The following VPS11 variants were observed in gnomAD, a reference collection of about 807,000 sequenced individuals.
VPS11 encodes the protein VPS11 core subunit of CORVET and HOPS complexes.
VPS11 carries 51 observed loss-of-function variants against 106.8 expected under a neutral mutation model. That is an observed-to-expected ratio of 0.48 (90% confidence interval 0.38 to 0.60). The LOEUF is 0.60. VPS11 is among the 20% of genes least tolerant of loss of function. The probability of loss-of-function intolerance (pLI) is 0.00; values close to 1 mark genes in which losing one functional copy is unlikely to be tolerated. For synonymous variants in VPS11, 453 were observed against 458.7 expected, an observed-to-expected ratio of 0.99 and a Z score of 0.16; for missense variants, 950 against 1,190.0, an observed-to-expected ratio of 0.80 and a Z score of 2.97.
At chr11:119,070,123 G>A (rs1459194562) in intron 3 of VPS11, 111 bp from the exon 4 acceptor site, 14 of 1,016,578 alleles carry the variant, frequency 1.4e-5, no homozygotes, top group Non-Finnish European at 2.0e-5. Flanking sequence ...TAGAGAGGTT[G>A]GGTATATGGA....
In VPS11 at chr11:119,067,868, G is replaced by A. The variant is rs1055850815; in HGVS notation, c.45G>A (p.Lys15=). 2.5e-6 allele frequency: 4 copies of A among 1,571,206 alleles called. No homozygotes were observed. In the East Asian group the frequency reaches 9.4e-5, roughly 37 times the overall value. Residue 15 remains lysine, a synonymous_variant, in exon 1 of 16, where the codon AAG becomes AAA. Coordinates refer to ENST00000621676, the MANE Select transcript of VPS11 (RefSeq NM_021729.6). ...LQWRRFVFFD[K]ELVKEPLSND... ...GGCGGCGCTTCGTTTTCTTCGACAA[G>A]GAGCTGGTGAAGGAGCCGCTGAGCA... is the stretch of plus-strand genomic sequence containing the variant.
chr11:119,069,205 G>T lies in VPS11; in HGVS notation c.197G>T (p.Gly66Val). 1.2e-6 allele frequency: 2 copies of T among 1,613,884 alleles called. No homozygotes were observed. Among genetic ancestry groups the T allele is most frequent in the Non-Finnish European group, 1.7e-6 (2 of 1,179,894 alleles). The change falls in exon 2 of 16, where the codon GGC becomes GTC. Residue 66 changes from glycine to valine, a missense_variant. This residue lies in a region of VPS11 where 435 missense variants were observed against 630.2 expected (regional missense o/e 0.69). Coordinates refer to ENST00000621676, the MANE Select transcript of VPS11 (RefSeq NM_021729.6). ...RGSLVFGDME[G>V]QIWFLPRSLQ... ...CTTGACTACCCTGCACATATGGAAGGCCAGATCTGGTTCTTGCCACGTTCC... is the reference window on the plus strand; with the variant it reads ...CTTGACTACCCTGCACATATGGAAGTCCAGATCTGGTTCTTGCCACGTTCC...
At chr11:119,073,459 G>A in intron 6 of VPS11, 60 bp downstream of exon 6, 2 of 1,574,510 alleles carry the variant, frequency 1.3e-6, no homozygotes, top group Non-Finnish European at 1.7e-6. Flanking sequence ...GCAGGAGCAG[G>A]TTCCCCAAGT....
At chr11:119,070,537 AT>A in intron 4 of VPS11, 140 bp downstream of exon 4, 1 of 1,008,000 alleles carries the variant, frequency 9.9e-7, no homozygotes, top group Non-Finnish European at 1.3e-6. Flanking sequence ...CTAGCTTTGT[AT>A]TTTATTTTTT....
Position 119,077,090 on chromosome 11 carries a change from G to A in VPS11, c.1425+7G>A, listed in dbSNP as rs1478803422. On this transcript the variant is annotated splice_region_variant and intron_variant, in intron 8 of 15. Transcript: ENST00000621676. ...GCTGGAGGAGTTCATCAAGGTGCAG[G>A]ATGTTGTTGGTGGGGAAGTCTTGGA... 6.2e-7 allele frequency: 1 copy of A among 1,607,892 alleles called. No individual in the cohort carries two copies. The highest frequency in any genetic ancestry group is 8.5e-7 in the Non-Finnish European group (1 of 1,176,748).
chr11:119,075,625 G>GAGAATAGCT (rs1945580680), intron 7 of VPS11, among the ~76,000 whole-genome samples: 1 of 151,832 alleles, frequency 6.6e-6, no homozygotes, highest in African/African-American at 2.4e-5. Flanking sequence ...GCTGAGGCAG[G>GAGAATAGCT]TGGATCACCT....
intron 1 of VPS11, 81 bp downstream of exon 1, chr11:119,068,091 G>C: frequency 6.9e-7 from 1 of 1,439,372 alleles, no homozygotes. Context: ...TGTCGGAGGG[G>C]TCCGTGCCGC....
In VPS11 at chr11:119,071,797, A is replaced by G; in HGVS notation, c.838A>G (p.Arg280Gly). ...EGHKLIAHWF[R>G]GYLIIVSRDR... ...CCATAAGCTCATTGCCCACTGGTTTAGAGGCTACCTTATCATTGTCTCCCG... is the reference window on the plus strand; with the variant it reads ...CCATAAGCTCATTGCCCACTGGTTTGGAGGCTACCTTATCATTGTCTCCCG... Residue 280 changes from arginine (R) to glycine (G), a missense_variant, in exon 5 of 16, where the codon AGA becomes GGA. Transcript: ENST00000621676. 3.1e-6 allele frequency: 5 copies of G among 1,613,946 alleles called. No homozygotes were observed. The highest frequency in any genetic ancestry group is 4.2e-6 in the Non-Finnish European group (5 of 1,179,862).
chr11:119,071,337 A>G (rs1945381861), intron 4 of VPS11, among the ~76,000 whole-genome samples: 1 of 152,202 alleles, frequency 6.6e-6, no homozygotes, highest in Non-Finnish European at 1.5e-5. Flanking sequence ...CTCTTGATAA[A>G]GTAGTAGATT....
chr11:119,070,031 A>AAATAAATAAATAAATAAAT, intron 3 of VPS11, among the ~76,000 whole-genome samples: 1 of 146,580 alleles, frequency 6.8e-6, no homozygotes, highest in Admixed American at 6.8e-5. Flanking sequence ...AATAAATAAA[A>AAATAAATAAATAAATAAAT]TAAATAAAGT....
rs1423930482 is a variant in VPS11, at chr11:119,078,235, A to G, written c.1824A>G (p.Leu608=). ...ACCCGCGAGAGCTGAAAGCCTTCCT[A>G]GAGCACATGAGTGAAGTGCAGCCAG... is the stretch of plus-strand genomic sequence containing the variant. The part of the protein sequence containing the change: ...ANNPRELKAF[L]EHMSEVQPDS... Residue 608 remains leucine, a synonymous_variant, in exon 11 of 16, where the codon CTA becomes CTG. Coordinates refer to ENST00000621676, the MANE Select transcript of VPS11 (RefSeq NM_021729.6). 8.7e-6 allele frequency: 14 copies of G among 1,613,638 alleles called. No homozygotes were observed. Among genetic ancestry groups the G allele is most frequent in the Non-Finnish European group, 1.2e-5 (14 of 1,179,890 alleles).
At chr11:119,076,846 G>C in intron 7 of VPS11, 51 bp from the exon 8 acceptor site, 6 of 1,591,896 alleles carry the variant, frequency 3.8e-6, no homozygotes, top group Non-Finnish European at 5.2e-6. Context: ...GTGTACATGA[G>C]CTGGAGAAGT....
At chr11:119,071,021 T>G (rs1945368014) in intron 4 of VPS11, among the ~76,000 whole-genome samples, 1 of 148,916 alleles carries the variant, frequency 6.7e-6, no homozygotes, top group Non-Finnish European at 1.5e-5. Flanking sequence ...CTCTGCCTCC[T>G]GGGCTCAAGT....
chr11:119,071,899 G>T, intron 5 of VPS11, 56 bp downstream of exon 5: 2 of 1,573,314 alleles, frequency 1.3e-6, no homozygotes, highest in Non-Finnish European at 1.7e-6. Flanking sequence ...CCCAGAATCC[G>T]CCTGATTTTA....
chr11:119,080,191 T>C (rs1488311162), intron 14 of VPS11, among the ~76,000 whole-genome samples: 2 of 151,940 alleles, frequency 1.3e-5, no homozygotes, highest in African/African-American at 4.8e-5. Flanking sequence ...CCTGAGTAGA[T>C]GGAATTACAG....
Position 119,067,850 on chromosome 11 carries a change from C to T in VPS11, c.27C>T (p.Arg9=), listed in dbSNP as rs2133639100. ...TGGCGGCCTACCTGCAGTGGCGGCGCTTCGTTTTCTTCGACAAGGAGCTGG... is the reference window on the plus strand; with the variant it reads ...TGGCGGCCTACCTGCAGTGGCGGCGTTTCGTTTTCTTCGACAAGGAGCTGG... The part of the protein sequence containing the change: MAAYLQWR[R]FVFFDKELVK... The change falls in exon 1 of 16, where the codon CGC becomes CGT. Residue 9 remains arginine (R), a synonymous_variant. Transcript: ENST00000621676. The T allele has an allele frequency of 7.1e-6, 11 of 1,555,676 alleles. No individual in the cohort carries two copies. The Admixed American group carries it at 7.8e-5, about 11-fold the overall frequency.
chr11:119,069,364 T>C lies in VPS11; in HGVS notation c.336+20T>C. 4 of 1,613,844 alleles carry C rather than the reference T, an allele frequency of 2.5e-6. No homozygotes were observed. The Middle Eastern group carries it at 4.9e-4, about 200-fold the overall frequency. ...CCCTTGGTGAGTCCCAGCAGGGAAA[T>C]GGGAAAGATCCAGAAGCCTAGGAAT... On this transcript the variant is annotated intron_variant, in intron 2 of 15. Transcript: ENST00000621676.
In VPS11 at chr11:119,078,441, C is replaced by T. The variant is rs1592197439; in HGVS notation, c.1923+107C>T. On this transcript the variant is annotated intron_variant, in intron 11 of 15. Transcript: ENST00000621676. Reference sequence around the variant, plus strand: ...ATTCCTTAGACCAGTAACACCTTACCTCGGGGCTCAATGGTCCTCTGTGAA... The same window carrying T: ...ATTCCTTAGACCAGTAACACCTTACTTCGGGGCTCAATGGTCCTCTGTGAA... 41 of 1,568,620 alleles carry T rather than the reference C, an allele frequency of 2.6e-5. No individual in the cohort carries two copies. The South Asian group carries it at 4.3e-4, about 17-fold the overall frequency.
intron 7 of VPS11, among the ~76,000 whole-genome samples, chr11:119,075,335 G>A (rs1237061162): frequency 1.3e-5 from 2 of 151,884 alleles, no homozygotes; most frequent in East Asian, 1.9e-4. Context: ...TTGGGAGACC[G>A]AGGTGGGAGG....
Sources: gnomAD v4.1 joint callset for allele counts (sites outside exome capture counted in the v4.1 genomes callset) on GRCh38, gnomAD v4.1.1 for gene constraint, gnomAD v4.1.1 regional missense constraint, MANE v1.5 for transcripts, NCBI Gene and HGNC (gene_info 2026-07-23, HGNC 2026-07-21) for gene names.